ASIC2: variants seen among roughly 807,000 people sequenced by gnomAD.
The protein encoded by ASIC2 is acid sensing ion channel subunit 2.
ASIC2 carries 25 observed loss-of-function variants against 57.3 expected under a neutral mutation model. The ratio of observed to expected loss-of-function variants is 0.44; its 90% CI spans 0.32 to 0.61. The LOEUF (loss-of-function observed/expected upper bound fraction) is 0.61. ASIC2 is among the 20% of genes least tolerant of loss of function. ASIC2 has a pLI of 0.06. For synonymous variants in ASIC2, 319 were observed against 307.5 expected, an observed-to-expected ratio of 1.04 and a Z score of -0.39; for missense variants, 641 against 738.1, an observed-to-expected ratio of 0.87 and a Z score of 1.52.
intron 1 of ASIC2, among the ~76,000 whole-genome samples, chr17:33,269,855 C>T (rs1299067983): frequency 1.3e-5 from 2 of 152,104 alleles, no homozygotes; most frequent in Non-Finnish European, 2.9e-5. Context: ...GCTTAGATCA[C>T]CTCATTGCTT....
intron 1 of ASIC2, among the ~76,000 whole-genome samples, chr17:33,691,095 C>G (rs1908353791): frequency 6.6e-6 from 1 of 152,122 alleles, no homozygotes; most frequent in Non-Finnish European, 1.5e-5. Flanking sequence ...ATTTCATTAT[C>G]TGGATGGACT....
At chr17:33,115,673 A>G (rs1345311288) in intron 1 of ASIC2, among the ~76,000 whole-genome samples, 1 of 152,202 alleles carries the variant, frequency 6.6e-6, no homozygotes, top group Non-Finnish European at 1.5e-5. Flanking sequence ...CTCAGCCTTC[A>G]TTCATATCGG....
In ASIC2 at chr17:34,065,289, C is replaced by A. The variant is rs186296296; in HGVS notation, c.555+90689G>T. Among the ~76,000 whole-genome samples the A allele has an allele frequency of 2.0e-5, 3 of 152,306 alleles. No homozygotes were observed. In the East Asian group the frequency reaches 5.8e-4, roughly 29 times the overall value. On this transcript the variant is annotated intron_variant, in intron 1 of 9. Coordinates refer to the ASIC2 transcript ENST00000359872. Reference sequence around the variant, plus strand: ...AGTAACTCAGGAATGGAAAACCACACATCGTATGTTCTCACTGATATGTAG... The same window carrying A: ...AGTAACTCAGGAATGGAAAACCACAAATCGTATGTTCTCACTGATATGTAG...
At chr17:34,075,495 C>T (rs996141692) in intron 1 of ASIC2, among the ~76,000 whole-genome samples, 13 of 152,150 alleles carry the variant, frequency 8.5e-5, no homozygotes, top group African/African-American at 3.1e-4. Flanking sequence ...GATTCCAACA[C>T]ATTAAATAGA....
chr17:33,343,110 C>T (rs1907794652), intron 1 of ASIC2, among the ~76,000 whole-genome samples: 1 of 152,188 alleles, frequency 6.6e-6, no homozygotes, highest in African/African-American at 2.4e-5. Flanking sequence ...CAAATTGTAG[C>T]AGGAGAGAGG....
In ASIC2 at chr17:33,261,137, T is replaced by C. The variant is rs1229305792; in HGVS notation, c.708+30271A>G. On this transcript the variant is annotated intron_variant, in intron 1 of 9. Transcript: ENST00000225823. ...TTTGCCACCCAAATAGTATCCTGGT[T>C]TGCCATCAGTAATTTCAGAAATGTG... 2.0e-5 allele frequency among the ~76,000 whole-genome samples: 3 copies of C among 152,224 alleles called. No homozygotes were observed. The East Asian group carries it at 5.8e-4, about 29-fold the overall frequency.
At chr17:34,047,345 G>A (rs907483974) in intron 1 of ASIC2, among the ~76,000 whole-genome samples, 5 of 151,572 alleles carry the variant, frequency 3.3e-5, no homozygotes, top group South Asian at 2.1e-4. Flanking sequence ...GATTCCTACC[G>A]TGACATTCAC....
rs1474781693 is a variant in ASIC2, at chr17:33,028,385, T to C, written c.995A>G (p.Tyr332Cys). The C allele has an allele frequency of 1.9e-6, 3 of 1,613,856 alleles. No individual in the cohort carries two copies. ...FVATQEQRLTYLPPPWGECRS... is the reference protein window; with the variant it reads ...FVATQEQRLTCLPPPWGECRS... ...GCACTCACCCCACGGTGGGGGCAGG[T>C]ATGTGAGCTGCAAGACAGGAAGGAG... The change falls in exon 4 of 10, where the codon TAC (tyrosine) becomes TGC (cysteine). Residue 332 changes from tyrosine to cysteine, a missense_variant. This residue lies in a region of ASIC2 where 252 missense variants were observed against 319.8 expected (regional missense o/e 0.79). Transcript: ENST00000225823.
intron 1 of ASIC2, among the ~76,000 whole-genome samples, chr17:33,866,949 C>T (rs1478245280): frequency 2.6e-5 from 4 of 152,178 alleles, no homozygotes; most frequent in Admixed American, 6.5e-5. Context: ...GAATTGTGGT[C>T]CCTTGGACAC....
intron 1 of ASIC2, among the ~76,000 whole-genome samples, chr17:34,149,687 AT>A (rs1418237024): frequency 2.0e-5 from 3 of 152,348 alleles, no homozygotes; most frequent in African/African-American, 7.2e-5. Context: ...TAGCAATGCG[AT>A]ATTACCTCAC....
Position 33,223,636 on chromosome 17 carries a change from G to A in ASIC2, c.708+67772C>T, listed in dbSNP as rs146904217. On this transcript the variant is annotated intron_variant, in intron 1 of 9. Coordinates refer to ENST00000225823, the MANE Select transcript of ASIC2 (RefSeq NM_183377.2). ...GCTTCAAAAAGGGAATCTGACTGGC[G>A]CATTTAAATATTTCCTTATATAATA... is the stretch of plus-strand genomic sequence containing the variant. 5.8e-3 allele frequency among the ~76,000 whole-genome samples: 885 copies of A among 152,328 alleles called. 27 individuals carry two copies. Among genetic ancestry groups the A allele is most frequent in the Admixed American group, 0.051 (774 of 15,296 alleles).
chr17:33,725,179 G>A (rs1048915139), intron 1 of ASIC2, among the ~76,000 whole-genome samples: 2 of 152,238 alleles, frequency 1.3e-5, no homozygotes, highest in Admixed American at 1.3e-4. Context: ...GGACCCAGCG[G>A]GGCCTGCAGG....
intron 1 of ASIC2, among the ~76,000 whole-genome samples, chr17:33,728,282 G>T (rs758799474): frequency 3.3e-5 from 5 of 152,136 alleles, no homozygotes; most frequent in Admixed American, 3.3e-4. Context: ...GCTGGGACAC[G>T]TTCTACAGCA....
intron 1 of ASIC2, among the ~76,000 whole-genome samples, chr17:33,746,546 T>C (rs1407146277): frequency 6.6e-6 from 1 of 151,682 alleles, no homozygotes; most frequent in Non-Finnish European, 1.5e-5. Flanking sequence ...TTTATACTCA[T>C]ATACCTAATG....
chr17:33,799,365 TC>T (rs1912017624), intron 1 of ASIC2, among the ~76,000 whole-genome samples: 1 of 124,598 alleles, frequency 8.0e-6, no homozygotes, highest in African/African-American at 3.2e-5. Context: ...TTTCTTTCTT[TC>T]TTTCTTTCTT....
chr17:33,351,845 G>A (rs1353699855), intron 1 of ASIC2, among the ~76,000 whole-genome samples: 1 of 152,134 alleles, frequency 6.6e-6, no homozygotes, highest in African/African-American at 2.4e-5. Context: ...ATGTAGATGT[G>A]GCATGGAGTG....
At chr17:34,047,306 A>G (rs941964471) in intron 1 of ASIC2, among the ~76,000 whole-genome samples, 18 of 152,040 alleles carry the variant, frequency 1.2e-4, no homozygotes, top group African/African-American at 3.9e-4. Flanking sequence ...AACAAGACAG[A>G]TATCATCTCA....
At chr17:34,155,768 T>G in intron 1 of ASIC2, 2 of 562,368 alleles carry the variant, frequency 3.6e-6, no homozygotes, top group Non-Finnish European at 3.1e-6. Flanking sequence ...ACCCTCCATA[T>G]TTGATCTGAC....
intron 1 of ASIC2, among the ~76,000 whole-genome samples, chr17:33,583,723 C>T (rs944097710): frequency 6.6e-6 from 1 of 152,164 alleles, no homozygotes; most frequent in African/African-American, 2.4e-5. Flanking sequence ...TATTTCATAG[C>T]CCATAGCACC....
Sources: gnomAD v4.1 joint callset for allele counts (sites outside exome capture counted in the v4.1 genomes callset) on GRCh38, gnomAD v4.1.1 for gene constraint, gnomAD v4.1.1 regional missense constraint, MANE v1.5 for transcripts, NCBI Gene and HGNC (gene_info 2026-07-23, HGNC 2026-07-21) for gene names.